EPB41L2: variants seen among roughly 807,000 people sequenced by gnomAD.
EPB41L2 encodes the protein band 4.1-like protein 2.
Under a neutral mutation model 113.0 loss-of-function variants are expected in EPB41L2, and 43 were observed. The ratio of observed to expected loss-of-function variants is 0.38; its 90% CI spans 0.30 to 0.49. The LOEUF is 0.49. Among genes scored for constraint, EPB41L2 ranks in the 20% least tolerant of loss-of-function variants. EPB41L2 has a pLI of 0.95. For synonymous variants in EPB41L2, 442 were observed against 436.7 expected (o/e 1.01, Z -0.15); for missense variants, 1,147 against 1,223.4 (o/e 0.94, Z 0.93).
intron 1 of EPB41L2, among the ~76,000 whole-genome samples, chr6:130,981,525 C>T (rs555470346): frequency 6.6e-6 from 1 of 152,138 alleles, no homozygotes; most frequent in African/African-American, 2.4e-5. Flanking sequence ...AACAAAACTC[C>T]TTTTATAGGG....
intron 1 of EPB41L2, among the ~76,000 whole-genome samples, chr6:131,056,364 C>T (rs768657279): frequency 2.0e-5 from 3 of 152,186 alleles, no homozygotes; most frequent in Non-Finnish European, 4.4e-5. Context: ...ACTACATTAT[C>T]CCTGTGCTGT....
intron 19 of EPB41L2, among the ~76,000 whole-genome samples, chr6:130,857,441 C>T (rs533183902): frequency 2.9e-4 from 44 of 151,262 alleles, no homozygotes; most frequent in Non-Finnish European, 1.6e-4. Context: ...TAAACTTAAT[C>T]ATTTATTAAT....
chr6:130,857,052 T>G (rs1440122252), intron 19 of EPB41L2, among the ~76,000 whole-genome samples: 2 of 152,206 alleles, frequency 1.3e-5, no homozygotes, highest in African/African-American at 4.8e-5. Flanking sequence ...TATTTCTGAT[T>G]AAGATAAATT....
At chr6:130,845,332 G>T (rs1265627280) in intron 19 of EPB41L2, among the ~76,000 whole-genome samples, 1 of 152,138 alleles carries the variant, frequency 6.6e-6, no homozygotes, top group Non-Finnish European at 1.5e-5. Flanking sequence ...TGGCAGCTCA[G>T]CCTACATAAG....
chr6:130,884,553 C>A (rs10456991), intron 12 of EPB41L2, among the ~76,000 whole-genome samples: 3,152 of 152,258 alleles, frequency 0.021, 50 homozygotes, highest in South Asian at 0.061. Context: ...TTTGAGAACA[C>A]AATATGGGTT....
chr6:130,916,123 C>T (rs1800977731), intron 4 of EPB41L2, among the ~76,000 whole-genome samples: 1 of 152,168 alleles, frequency 6.6e-6, no homozygotes, highest in South Asian at 2.1e-4. Flanking sequence ...CTATAGAATT[C>T]AGCAGACTGC....
intron 3 of EPB41L2, among the ~76,000 whole-genome samples, chr6:130,951,306 T>C (rs1299199501): frequency 2.4e-5 from 3 of 127,030 alleles, no homozygotes; most frequent in Admixed American, 8.0e-5. Context: ...ATGCTCAGCC[T>C]CAGTACTTTT....
chr6:131,029,980 A>C (rs145378434), intron 1 of EPB41L2, among the ~76,000 whole-genome samples: 198 of 151,188 alleles, frequency 1.3e-3, no homozygotes, highest in African/African-American at 4.7e-3. Flanking sequence ...TTTCAATCAC[A>C]GTTTCACACA....
chr6:130,935,856 A>G (rs1808609729), intron 3 of EPB41L2, among the ~76,000 whole-genome samples: 1 of 152,158 alleles, frequency 6.6e-6, no homozygotes, highest in African/African-American at 2.4e-5. Flanking sequence ...AGGCTATTCC[A>G]GGAACCAATT....
chr6:130,864,670 AC>A (rs1783153966), intron 17 of EPB41L2, among the ~76,000 whole-genome samples: 1 of 152,236 alleles, frequency 6.6e-6, no homozygotes, highest in Non-Finnish European at 1.5e-5. Context: ...ACAGCATTTT[AC>A]CATAACAAAC....
chr6:130,898,729 C>T (rs192539171), intron 8 of EPB41L2, among the ~76,000 whole-genome samples: 1 of 152,196 alleles, frequency 6.6e-6, no homozygotes, highest in Admixed American at 6.5e-5. Flanking sequence ...GTTACTACTG[C>T]CTAATTTATC....
intron 1 of EPB41L2, among the ~76,000 whole-genome samples, chr6:130,976,346 G>A (rs907509436): frequency 6.6e-6 from 1 of 152,064 alleles, no homozygotes; most frequent in African/African-American, 2.4e-5. Context: ...ACTTCTCTCA[G>A]GCTCTAAACC....
rs1355887129 is a variant in EPB41L2 at position 130,839,900 on chromosome 6, G to T, written c.*704C>A. ...TGGTGCGGCAGGGTCTCTAAGCACAGTGCACAGTCAGTGAACTTCTTCATT... is the reference window on the plus strand; with the variant it reads ...TGGTGCGGCAGGGTCTCTAAGCACATTGCACAGTCAGTGAACTTCTTCATT... On this transcript the variant is annotated 3_prime_UTR_variant, in exon 20 of 20. Coordinates refer to ENST00000337057, the MANE Select transcript of EPB41L2 (RefSeq NM_001431.4). The T allele has an allele frequency of 6.6e-6, 1 of 152,218 alleles. No individual in the cohort carries two copies. Among genetic ancestry groups the T allele is most frequent in the Non-Finnish European group, 1.5e-5 (1 of 68,036 alleles). The allele number at this position is 152,218 out of a possible 1,614,324, so 9.4% of individuals were successfully genotyped here.
At chr6:130,962,836 G>C (rs1313801328) in intron 1 of EPB41L2, among the ~76,000 whole-genome samples, 4 of 152,064 alleles carry the variant, frequency 2.6e-5, no homozygotes, top group African/African-American at 9.7e-5. Context: ...TTGGCCTCAA[G>C]GGTAGCTTCT....
chr6:131,025,511 C>T (rs935890891), intron 1 of EPB41L2, among the ~76,000 whole-genome samples: 1 of 152,152 alleles, frequency 6.6e-6, no homozygotes, highest in African/African-American at 2.4e-5. Context: ...TCAAACCACA[C>T]CAAACCACTG....
rs1320750231 is a variant in EPB41L2, at chr6:130,956,059, C to T, written c.427G>A (p.Val143Ile). 1.2e-6 allele frequency: 2 copies of T among 1,613,932 alleles called. No homozygotes were observed. Among genetic ancestry groups the T allele is most frequent in the South Asian group, 2.2e-5 (2 of 91,060 alleles). The change falls in exon 2 of 20, where the codon GTC becomes ATC. Residue 143 changes from valine (V) to isoleucine (I), a missense_variant. Val to Ile is a conservative substitution (Grantham distance 29). Coordinates refer to ENST00000337057, the MANE Select transcript of EPB41L2 (RefSeq NM_001431.4). ...AQKKQEIKVE[V>I]KEEKPSVSKE... The stretch of plus-strand genomic sequence containing the variant: ...CTCACTGAGGGTTTTTCTTCCTTGA[C>T]TTCAACTTTAATCTCTTGTTTCTTC...
At chr6:130,841,090 G>A (rs1388945602) in intron 19 of EPB41L2, among the ~76,000 whole-genome samples, 1 of 152,066 alleles carries the variant, frequency 6.6e-6, no homozygotes, top group African/African-American at 2.4e-5. Context: ...AGAAACGAAT[G>A]GAAGGAATAG....
At chr6:131,021,067 G>A (rs1333056316) in intron 1 of EPB41L2, among the ~76,000 whole-genome samples, 2 of 151,978 alleles carry the variant, frequency 1.3e-5, no homozygotes, top group African/African-American at 4.8e-5. Context: ...CACAGCACTG[G>A]GATTACAGGC....
intron 1 of EPB41L2, among the ~76,000 whole-genome samples, chr6:131,004,186 C>T (rs1414525399): frequency 6.6e-6 from 1 of 151,972 alleles, no homozygotes; most frequent in Non-Finnish European, 1.5e-5. Flanking sequence ...TTTGAGTCAC[C>T]AGCTTGAAAA....
Sources: gnomAD v4.1 joint callset for allele counts (sites outside exome capture counted in the v4.1 genomes callset) on GRCh38, gnomAD v4.1.1 for gene constraint, MANE v1.5 for transcripts, NCBI Gene and HGNC (gene_info 2026-07-23, HGNC 2026-07-21) for gene names.